Variants in XKR4 observed in about 807,000 individuals in gnomAD.
The protein encoded by XKR4 is XK related 4.
In XKR4, 12 loss-of-function variants were observed where a neutral mutation model predicts 53.9. The ratio of observed to expected loss-of-function variants is 0.22; its 90% CI spans 0.14 to 0.36. The LOEUF (loss-of-function observed/expected upper bound fraction) is 0.36. Ranked by LOEUF, XKR4 falls within the 10% of genes least tolerant of loss-of-function variation. XKR4 has a pLI of 1.00. For synonymous variants in XKR4, 354 were observed against 362.4 expected, an observed-to-expected ratio of 0.98 and a Z score of 0.26; for missense variants, 799 against 859.5, an observed-to-expected ratio of 0.93 and a Z score of 0.88.
intron 1 of XKR4, among the ~76,000 whole-genome samples, chr8:55,150,034 T>C (rs16921264): frequency 2.3e-3 from 345 of 152,328 alleles, no homozygotes; most frequent in African/African-American, 8.0e-3. Flanking sequence ...TACTCCTAGA[T>C]GTATCATCCC....
intron 2 of XKR4, among the ~76,000 whole-genome samples, chr8:55,379,221 T>G (rs1424542034): frequency 2.0e-5 from 3 of 152,204 alleles, no homozygotes; most frequent in African/African-American, 7.2e-5. Flanking sequence ...CTCCTCTGAA[T>G]GCAAAATATC....
intron 1 of XKR4, among the ~76,000 whole-genome samples, chr8:55,325,063 C>T (rs1413366701): frequency 6.6e-6 from 1 of 151,990 alleles, no homozygotes; most frequent in African/African-American, 2.4e-5. Context: ...AAAGATGGAC[C>T]ATGTATTTTA....
chr8:55,245,726 T>C (rs1818275976), intron 1 of XKR4, among the ~76,000 whole-genome samples: 1 of 152,182 alleles, frequency 6.6e-6, no homozygotes, highest in Non-Finnish European at 1.5e-5. Context: ...AGAGTTTTGA[T>C]GTCTTTGATT....
intron 1 of XKR4, among the ~76,000 whole-genome samples, chr8:55,318,221 A>T (rs1295771968): frequency 6.6e-6 from 1 of 152,202 alleles, no homozygotes. Context: ...TCATTAGCCC[A>T]TATCTTCCAT....
intron 1 of XKR4, among the ~76,000 whole-genome samples, chr8:55,248,526 A>G (rs1818320451): frequency 1.3e-5 from 2 of 152,360 alleles, no homozygotes; most frequent in Admixed American, 1.3e-4. Flanking sequence ...TCAAAACAAT[A>G]CGTAACACTA....
chr8:55,261,963 A>G (rs768126439), intron 1 of XKR4, among the ~76,000 whole-genome samples: 7 of 152,024 alleles, frequency 4.6e-5, no homozygotes, highest in Non-Finnish European at 1.0e-4. Context: ...TGGAAGAGAG[A>G]TGGTTATTAA....
intron 1 of XKR4, among the ~76,000 whole-genome samples, chr8:55,154,129 G>A (rs968974176): frequency 6.6e-6 from 1 of 152,136 alleles, no homozygotes; most frequent in Non-Finnish European, 1.5e-5. Context: ...TATATACATA[G>A]GGAAGATTAG....
At chr8:55,507,817 A>G (rs1806566114) in intron 2 of XKR4, among the ~76,000 whole-genome samples, 1 of 152,174 alleles carries the variant, frequency 6.6e-6, no homozygotes, top group South Asian at 2.1e-4. Context: ...ATACGTGTGC[A>G]TGTGTCTTTA....
chr8:55,246,910 G>A lies in XKR4; in HGVS notation c.807-110768G>A, dbSNP rs146197431. Among the ~76,000 whole-genome samples, 150 of 152,082 alleles carry A rather than the reference G, an allele frequency of 9.9e-4. 2 individuals carry two copies. The highest frequency in any genetic ancestry group is 3.6e-3 in the African/African-American group (149 of 41,482). ...GATCCCTCTTTATTCACTGTGCTCTGGATTTCTTCGAGGAAAATCCCTGGG... is the reference window on the plus strand; with the variant it reads ...GATCCCTCTTTATTCACTGTGCTCTAGATTTCTTCGAGGAAAATCCCTGGG... On this transcript the variant is annotated intron_variant, in intron 1 of 2. Transcript: ENST00000327381.
At chr8:55,368,887 A>G (rs938225732) in intron 2 of XKR4, among the ~76,000 whole-genome samples, 5 of 152,224 alleles carry the variant, frequency 3.3e-5, no homozygotes, top group South Asian at 2.1e-4. Context: ...GTTATTTTAC[A>G]TAAAGGAAAG....
rs1489659254 is a variant in XKR4 at position 55,524,139 on chromosome 8, C to T, written c.1865C>T (p.Ala622Val). The T allele has an allele frequency of 6.2e-7, 1 of 1,614,232 alleles. No homozygotes were observed. Among genetic ancestry groups the T allele is most frequent in the South Asian group, 1.1e-5 (1 of 91,086 alleles). Residue 622 changes from alanine (A) to valine (V), a missense_variant, in exon 3 of 3, where the codon GCT becomes GTT. Around this residue, in one of 3 missense-constraint regions of XKR4, gnomAD observed 269 missense variants for 264.4 expected, o/e 1.02. Transcript: ENST00000327381. ...LDRSLRKAIL[A>V]FECSPSPPRL... ...CGAAGCCTCCGAAAGGCTATTTTAG[C>T]TTTTGAATGTTCCCCATCTCCTCCA...
intron 1 of XKR4, among the ~76,000 whole-genome samples, chr8:55,302,964 T>G (rs1819226212): frequency 1.3e-5 from 2 of 152,338 alleles, no homozygotes; most frequent in South Asian, 2.1e-4. Flanking sequence ...TGACTTCCTC[T>G]TTTCCTAATT....
intron 2 of XKR4, among the ~76,000 whole-genome samples, chr8:55,425,872 C>T (rs1319189632): frequency 6.6e-6 from 1 of 152,348 alleles, no homozygotes; most frequent in South Asian, 2.1e-4. Context: ...AGCAATCAAG[C>T]TACAAATTAA....
At chr8:55,454,126 G>A in intron 2 of XKR4, 2 of 864,920 alleles carry the variant, frequency 2.3e-6, no homozygotes, top group South Asian at 1.3e-5. Context: ...GGAAGGCGAG[G>A]TCAACCAACT....
intron 2 of XKR4, chr8:55,454,495 C>T (rs1171218724): frequency 5.7e-6 from 7 of 1,218,208 alleles, no homozygotes; most frequent in African/African-American, 4.5e-5. Flanking sequence ...AGACCAAAGA[C>T]AGTACGTTGG....
intron 1 of XKR4, among the ~76,000 whole-genome samples, chr8:55,300,446 G>A (rs1378845631): frequency 1.3e-5 from 2 of 152,164 alleles, no homozygotes; most frequent in South Asian, 2.1e-4. Flanking sequence ...TGACAGACAG[G>A]AGCTGAGGTG....
Position 55,102,531 on chromosome 8 carries a change from A to T in XKR4, c.43A>T (p.Ser15Cys). The T allele has an allele frequency of 6.5e-7, 1 of 1,548,796 alleles. No homozygotes were observed. Residue 15 changes from serine to cysteine, a missense_variant, in exon 1 of 3, where the codon AGC becomes TGC. Coordinates refer to ENST00000327381, the MANE Select transcript of XKR4 (RefSeq NM_052898.2). The surrounding 1 kb of genome is among the most constrained non-coding windows in gnomAD (Gnocchi z 5.1). ...SDGRLKMKKS[S>C]DVAFTPLQNS... is the part of the protein sequence containing the mutation. Reference sequence around the variant, plus strand: ...CGGGAGGCTGAAAATGAAGAAAAGCAGCGACGTGGCGTTCACCCCGCTGCA... The same window carrying T: ...CGGGAGGCTGAAAATGAAGAAAAGCTGCGACGTGGCGTTCACCCCGCTGCA...
At position 55,151,702 on chromosome 8, in the gene XKR4, T is replaced by C. The variant is rs553253786; in HGVS notation, c.806+48408T>C. Among the ~76,000 whole-genome samples the C allele has an allele frequency of 3.6e-4, 55 of 152,328 alleles. No homozygotes were observed. In the South Asian group the frequency reaches 8.5e-3, roughly 24 times the overall value. On this transcript the variant is annotated intron_variant, in intron 1 of 2. Coordinates refer to ENST00000327381, the MANE Select transcript of XKR4 (RefSeq NM_052898.2). ...CTGTATGCGCTCCCCTCACTATCAA[T>C]AATTTTGTGTATTTCTATTGAAATG...
intron 1 of XKR4, among the ~76,000 whole-genome samples, chr8:55,296,241 A>C (rs1819099158): frequency 6.6e-6 from 1 of 152,188 alleles, no homozygotes. Flanking sequence ...CTTTTAAGGA[A>C]ATGCTGTTGC....
Sources: gnomAD v4.1 joint callset for allele counts (sites outside exome capture counted in the v4.1 genomes callset) on GRCh38, gnomAD v4.1.1 for gene constraint, gnomAD v4.1.1 regional missense constraint, Gnocchi (gnomAD v3.1) non-coding constraint, MANE v1.5 for transcripts, NCBI Gene and HGNC (gene_info 2026-07-23, HGNC 2026-07-21) for gene names.